Variants in PLA2R1 observed in about 807,000 individuals in gnomAD.
PLA2R1 encodes the protein phospholipase A2 receptor 1.
In PLA2R1, 158 loss-of-function variants were observed where a neutral mutation model predicts 195.9. The ratio of observed to expected loss-of-function variants is 0.81; its 90% CI spans 0.71 to 0.92. The LOEUF (loss-of-function observed/expected upper bound fraction) is 0.92. PLA2R1 is among the 40% of genes least tolerant of loss of function. The probability of loss-of-function intolerance (pLI) is 0.00; values close to 1 mark genes in which losing one functional copy is unlikely to be tolerated. For missense variants in PLA2R1, 1,626 were observed against 1,764.6 expected, an observed-to-expected ratio of 0.92 and a Z score of 1.41; for synonymous variants, 586 against 598.2, an observed-to-expected ratio of 0.98 and a Z score of 0.30.
In PLA2R1 at chr2:160,045,166, A is replaced by G. The variant is rs376123689; in HGVS notation, c.110-9T>C. On this transcript the variant is annotated splice_polypyrimidine_tract_variant and intron_variant, in intron 1 of 29. Transcript: ENST00000283243. ...AACAAATATTCCTTTATCTGAAACA[A>G]AAATCAAAGATGTGGCATGAAATTT... 1.3e-6 allele frequency: 2 copies of G among 1,579,912 alleles called. No homozygotes were observed. The highest frequency in any genetic ancestry group is 1.7e-6 in the Non-Finnish European group (2 of 1,158,102).
chr2:159,999,832 T>C (rs759191547), intron 11 of PLA2R1, among the ~76,000 whole-genome samples: 27 of 152,326 alleles, frequency 1.8e-4, no homozygotes, highest in Non-Finnish European at 3.1e-4. Flanking sequence ...ATCTCTTCTC[T>C]ATCCTAAAAT....
downstream of PLA2R1, among the ~76,000 whole-genome samples, chr2:159,929,388 A>G (rs184129951): frequency 1.3e-5 from 2 of 152,242 alleles, no homozygotes; most frequent in African/African-American, 4.8e-5. Context: ...GCCAACAAAC[A>G]TATGAAAAAA....
chr2:159,992,404 C>G (rs1162649035), intron 11 of PLA2R1, among the ~76,000 whole-genome samples: 1 of 149,154 alleles, frequency 6.7e-6, no homozygotes, highest in Non-Finnish European at 1.5e-5. Flanking sequence ...TGAGTGAACT[C>G]CCATTCACAA....
At position 160,062,499 on chromosome 2, in the gene PLA2R1, G is replaced by T. The variant is rs1696038770; in HGVS notation, c.-96C>A. ...CCCAAGCACCCGGCCCCGCCGCGCG[G>T]AAGCGGATCCGTAGCCTCCTCCGCG... On this transcript the variant is annotated 5_prime_UTR_variant, in exon 1 of 30. Coordinates refer to ENST00000283243, the MANE Select transcript of PLA2R1 (RefSeq NM_007366.5). 7.0e-7 allele frequency: 1 copy of T among 1,424,364 alleles called. No homozygotes were observed. Among genetic ancestry groups the T allele is most frequent in the Admixed American group, 3.0e-5 (1 of 33,094 alleles). The allele number at this position is 1,424,364 out of a possible 1,614,324, so 88.2% of individuals were successfully genotyped here.
chr2:159,958,796 G>A (rs1447546967), intron 20 of PLA2R1, among the ~76,000 whole-genome samples: 1 of 152,176 alleles, frequency 6.6e-6, no homozygotes, highest in Non-Finnish European at 1.5e-5. Context: ...CAACTAATGG[G>A]TAGAGACAAA....
At chr2:159,975,352 C>T (rs1297127980) in intron 17 of PLA2R1, among the ~76,000 whole-genome samples, 2 of 152,090 alleles carry the variant, frequency 1.3e-5, no homozygotes, top group Non-Finnish European at 2.9e-5. Flanking sequence ...ATTGAAGGAA[C>T]ACACTGAAAA....
At chr2:159,997,590 T>TG (rs529194303) in intron 11 of PLA2R1, among the ~76,000 whole-genome samples, 189 of 152,230 alleles carry the variant, frequency 1.2e-3, no homozygotes, top group African/African-American at 4.3e-3. Flanking sequence ...CACAAAAGTG[T>TG]GGGGGTCCCT....
downstream of PLA2R1, among the ~76,000 whole-genome samples, chr2:159,929,628 G>A (rs766648536): frequency 9.2e-5 from 14 of 152,214 alleles, no homozygotes; most frequent in African/African-American, 1.4e-4. Flanking sequence ...ACTACCATTC[G>A]ATCCAGCAAT....
chr2:160,062,549 C>T lies in PLA2R1; in HGVS notation c.-146G>A. On this transcript the variant is annotated 5_prime_UTR_variant, in exon 1 of 30. Coordinates refer to ENST00000283243, the MANE Select transcript of PLA2R1 (RefSeq NM_007366.5). ...GCCCCACCCCCTCCGGGGGCCTTGCCAGCCCAGAGCCCTGGAGACCCACTC... is the reference window on the plus strand; with the variant it reads ...GCCCCACCCCCTCCGGGGGCCTTGCTAGCCCAGAGCCCTGGAGACCCACTC... The T allele has an allele frequency of 2.2e-6, 3 of 1,355,560 alleles. No homozygotes were observed. The highest frequency in any genetic ancestry group is 2.9e-6 in the Non-Finnish European group (3 of 1,051,022). The allele number at this position is 1,355,560 out of a possible 1,614,324, so 84.0% of individuals were successfully genotyped here. A position where few individuals can be genotyped will look rare whatever the true frequency, so the allele number is the denominator to read the frequency against.
intron 10 of PLA2R1, among the ~76,000 whole-genome samples, chr2:160,012,377 A>AT (rs965231304): frequency 1.2e-4 from 18 of 151,984 alleles, no homozygotes; most frequent in African/African-American, 4.1e-4. Flanking sequence ...TACTCTTGGT[A>AT]TTTTTATCCC....
intron 9 of PLA2R1, among the ~76,000 whole-genome samples, chr2:160,013,853 G>A (rs959743802): frequency 6.6e-6 from 1 of 151,578 alleles, no homozygotes; most frequent in Non-Finnish European, 1.5e-5. Flanking sequence ...TTTGAATTCT[G>A]GCTCCACTAC....
In PLA2R1 at chr2:160,013,371, C is replaced by T; in HGVS notation, c.1556G>A (p.Trp519Ter). Residue 519 changes from tryptophan to a stop codon, truncating the protein, a stop_gained, in exon 10 of 30, where the codon TGG becomes TAG. Coordinates refer to ENST00000283243, the MANE Select transcript of PLA2R1 (RefSeq NM_007366.5). LOFTEE classifies it high-confidence loss of function. ...SDAESGCQEG[W>*]ERHGGFCYKI... ...GTAACAGAATCCACCATGTCTCTCC[C>T]ATCCCTTAAAAAGAATAAAAGGGAA... 1 of 1,580,312 alleles carries T rather than the reference C, an allele frequency of 6.3e-7. No homozygotes were observed. The highest frequency in any genetic ancestry group is 1.7e-5 in the Admixed American group (1 of 59,634).
chr2:159,960,651 C>A (rs1199992614), intron 20 of PLA2R1, among the ~76,000 whole-genome samples: 1 of 152,168 alleles, frequency 6.6e-6, no homozygotes, highest in Non-Finnish European at 1.5e-5. Flanking sequence ...AGAATTTCTT[C>A]CTCCCACAGA....
intron 4 of PLA2R1, among the ~76,000 whole-genome samples, chr2:160,030,956 C>G (rs560225928): frequency 1.3e-4 from 20 of 152,164 alleles, no homozygotes; most frequent in African/African-American, 4.3e-4. Context: ...GAAATCCTGG[C>G]AGTTAAGATA....
intron 11 of PLA2R1, among the ~76,000 whole-genome samples, chr2:159,997,970 ATCTC>A (rs1012541481): frequency 3.9e-5 from 6 of 152,062 alleles, no homozygotes; most frequent in South Asian, 2.1e-4. Context: ...ACTTTCTTTG[ATCTC>A]TCTCTTTTTT....
At chr2:159,967,495 T>G in intron 20 of PLA2R1, 44 bp downstream of exon 20, 1 of 1,549,126 alleles carries the variant, frequency 6.5e-7, no homozygotes, top group Admixed American at 1.8e-5. Flanking sequence ...AAAATTAGTG[T>G]CTACAAAAGA....
intron 1 of PLA2R1, among the ~76,000 whole-genome samples, chr2:160,050,094 G>A (rs999438188): frequency 2.6e-5 from 4 of 152,170 alleles, no homozygotes; most frequent in South Asian, 2.1e-4. Context: ...CATCCTGCAC[G>A]TGCATCCCAG....
chr2:160,042,909 G>A (rs1235346018), intron 2 of PLA2R1, among the ~76,000 whole-genome samples: 9 of 151,142 alleles, frequency 6.0e-5, no homozygotes, highest in Admixed American at 5.9e-4. Context: ...TGGGGTGGAG[G>A]GGCACAGGGC....
chr2:160,015,182 A>C (rs1692648532), intron 9 of PLA2R1, among the ~76,000 whole-genome samples: 1 of 152,228 alleles, frequency 6.6e-6, no homozygotes, highest in African/African-American at 2.4e-5. Flanking sequence ...TTTTAAATGA[A>C]AGGATGGTGG....
Sources: gnomAD v4.1 joint callset for allele counts (sites outside exome capture counted in the v4.1 genomes callset) on GRCh38, gnomAD v4.1.1 for gene constraint, MANE v1.5 for transcripts, NCBI Gene and HGNC (gene_info 2026-07-23, HGNC 2026-07-21) for gene names.